Variants in CSMD1 observed in about 807,000 individuals in gnomAD.
CSMD1 encodes the protein CUB and sushi domain-containing protein 1.
Under a neutral mutation model 417.5 loss-of-function variants are expected in CSMD1, and 213 were observed. The observed-to-expected ratio is 0.51, with a 90% confidence interval of 0.46 to 0.57. The LOEUF is 0.57. CSMD1 is among the 20% of genes least tolerant of loss of function. CSMD1 has a pLI of 0.00. For missense variants in CSMD1, 6,923 were observed against 4,529.7 expected (o/e 1.53, Z -15.17); for synonymous variants, 2,862 against 1,736.8 (o/e 1.65, Z -16.11).
chr8:3,415,073 T>G (rs1221888206), intron 12 of CSMD1, among the ~76,000 whole-genome samples: 2 of 152,206 alleles, frequency 1.3e-5, no homozygotes, highest in African/African-American at 2.4e-5. Context: ...TTGTTCTTAT[T>G]AAACTTGCAA....
In CSMD1 at chr8:3,264,404, C is replaced by T. The variant is rs148133352; in HGVS notation, c.4153+19740G>A. 3.0e-4 allele frequency among the ~76,000 whole-genome samples: 45 copies of T among 152,204 alleles called. No homozygotes were observed. In the East Asian group the frequency reaches 5.8e-3, roughly 20 times the overall value. On this transcript the variant is annotated intron_variant, in intron 26 of 69. Coordinates refer to ENST00000635120, the MANE Select transcript of CSMD1 (RefSeq NM_033225.6). The stretch of plus-strand genomic sequence containing the variant: ...CCTGTTTCTAAGTCAAAATTCCACT[C>T]GCTATGTGCCTTTTTGCCACACAAG...
chr8:3,878,727 G>C (rs867556985), intron 5 of CSMD1, among the ~76,000 whole-genome samples: 2 of 152,120 alleles, frequency 1.3e-5, no homozygotes, highest in African/African-American at 4.8e-5. Context: ...TGTGTCATGG[G>C]AAATATTAGA....
At chr8:4,824,113 C>G (rs887911656) in intron 1 of CSMD1, among the ~76,000 whole-genome samples, 2 of 150,674 alleles carry the variant, frequency 1.3e-5, no homozygotes, top group Admixed American at 1.3e-4. Flanking sequence ...CACACACACT[C>G]TCCCTCTCAC....
intron 18 of CSMD1, among the ~76,000 whole-genome samples, chr8:3,384,980 C>A (rs1810900405): frequency 9.0e-6 from 1 of 111,516 alleles, no homozygotes; most frequent in Non-Finnish European, 1.7e-5. Flanking sequence ...GCATATATAG[C>A]ATATATAATA....
chr8:2,975,582 T>G (rs1392779458), intron 55 of CSMD1, among the ~76,000 whole-genome samples: 2 of 152,192 alleles, frequency 1.3e-5, no homozygotes, highest in East Asian at 3.8e-4. Context: ...CATTGATTCA[T>G]TGGAGAACCG....
chr8:2,942,532 A>G lies in CSMD1; in HGVS notation c.10475T>C (p.Ile3492Thr). The stretch of plus-strand genomic sequence containing the variant: ...AATTAGAGCAAAGAAAGGAACCAGA[A>G]TGGCAGCCGCCACAGAGCCACTGCT... Reference protein sequence around the residue: ...GTSSGSVAAAILVPFFALILS... With the variant: ...GTSSGSVAAATLVPFFALILS... Residue 3492 changes from isoleucine to threonine, a missense_variant, in exon 69 of 70, where the codon ATT becomes ACT. Ile to Thr is a moderately conservative substitution (Grantham distance 89). Coordinates refer to ENST00000635120, the MANE Select transcript of CSMD1 (RefSeq NM_033225.6). 1.2e-6 allele frequency: 2 copies of G among 1,608,990 alleles called. No individual in the cohort carries two copies. The highest frequency in any genetic ancestry group is 2.2e-5 in the South Asian group (2 of 90,314).
intron 5 of CSMD1, among the ~76,000 whole-genome samples, chr8:3,845,816 G>A (rs1402390932): frequency 1.3e-5 from 2 of 151,324 alleles, no homozygotes; most frequent in Non-Finnish European, 1.5e-5. Context: ...TATTCTATGT[G>A]CTTTCTTCTA....
chr8:4,350,827 T>A (rs1353806672), intron 3 of CSMD1, among the ~76,000 whole-genome samples: 3 of 152,196 alleles, frequency 2.0e-5, no homozygotes. Context: ...GACTTTGCTT[T>A]CCTTAGCTGT....
chr8:4,389,728 T>C (rs1343905094), intron 3 of CSMD1, among the ~76,000 whole-genome samples: 1 of 152,176 alleles, frequency 6.6e-6, no homozygotes, highest in Non-Finnish European at 1.5e-5. Flanking sequence ...TATTTTAAAA[T>C]TGGCATGAGT....
At chr8:4,508,120 C>T (rs1312494069) in intron 2 of CSMD1, among the ~76,000 whole-genome samples, 1 of 135,260 alleles carries the variant, frequency 7.4e-6, no homozygotes, top group African/African-American at 2.7e-5. Context: ...AAAACAAAAA[C>T]AGTGAAATTG....
intron 1 of CSMD1, among the ~76,000 whole-genome samples, chr8:4,714,341 G>C (rs1050720003): frequency 1.3e-5 from 2 of 151,976 alleles, no homozygotes; most frequent in African/African-American, 4.8e-5. Flanking sequence ...GCAAAGTTTG[G>C]GGTCAGGGGG....
chr8:4,665,171 C>G (rs939652274), intron 1 of CSMD1, among the ~76,000 whole-genome samples: 1 of 152,166 alleles, frequency 6.6e-6, no homozygotes, highest in African/African-American at 2.4e-5. Context: ...TAGGTCTTTT[C>G]TGTTTGTCCA....
At chr8:4,131,027 G>A (rs1009357838) in intron 3 of CSMD1, among the ~76,000 whole-genome samples, 4 of 152,082 alleles carry the variant, frequency 2.6e-5, no homozygotes, top group African/African-American at 9.7e-5. Context: ...TGACTCCACT[G>A]GCTCAAGCGT....
chr8:4,676,993 T>A (rs915691686), intron 1 of CSMD1, among the ~76,000 whole-genome samples: 87 of 146,450 alleles, frequency 5.9e-4, no homozygotes, highest in African/African-American at 2.1e-3. Flanking sequence ...ATTTTATATA[T>A]ATATAAAATT....
At chr8:3,088,507 T>C (rs1208326219) in intron 48 of CSMD1, among the ~76,000 whole-genome samples, 2 of 152,080 alleles carry the variant, frequency 1.3e-5, no homozygotes, top group African/African-American at 2.4e-5. Context: ...CTTCTGAAGG[T>C]TTTCTATCAT....
chr8:3,506,398 T>C (rs1796829485), intron 10 of CSMD1, among the ~76,000 whole-genome samples: 1 of 152,206 alleles, frequency 6.6e-6, no homozygotes, highest in Non-Finnish European at 1.5e-5. Flanking sequence ...AACACGTTTT[T>C]ACACATGTGT....
chr8:3,110,289 G>A lies in CSMD1; in HGVS notation c.6477C>T (p.Ser2159=). 3.1e-6 allele frequency: 5 copies of A among 1,613,456 alleles called. No individual in the cohort carries two copies. Among genetic ancestry groups the A allele is most frequent in the Non-Finnish European group, 4.2e-6 (5 of 1,179,718 alleles). Reference sequence around the variant, plus strand: ...TCGGATACTCATCAGGAAAGCCAGGGGAGTAGATGGTGCCGTTCTGAGAAG... The same window carrying A: ...TCGGATACTCATCAGGAAAGCCAGGAGAGTAGATGGTGCCGTTCTGAGAAG... ...NVTSQNGTIY[S]PGFPDEYPIL... Residue 2159 remains serine, a synonymous_variant, in exon 43 of 70, where the codon TCC becomes TCT. Transcript: ENST00000635120.
chr8:4,946,891 A>T (rs1247344344), intron 1 of CSMD1, among the ~76,000 whole-genome samples: 1 of 152,202 alleles, frequency 6.6e-6, no homozygotes, highest in East Asian at 1.9e-4. Context: ...ATAATCAGAA[A>T]ATATATGTTT....
chr8:4,425,235 A>C (rs932918627), intron 2 of CSMD1, among the ~76,000 whole-genome samples: 2 of 152,060 alleles, frequency 1.3e-5, no homozygotes, highest in Non-Finnish European at 2.9e-5. Context: ...GGAACAAGAT[A>C]CTAAGGGATT....
Sources: allele counts gnomAD v4.1 joint callset (sites outside exome capture counted in the v4.1 genomes callset), GRCh38; gene constraint gnomAD v4.1.1; transcripts MANE v1.5; gene names NCBI Gene and HGNC (gene_info 2026-07-23, HGNC 2026-07-21).